The following BAG6 variants were observed in gnomAD, a reference collection of about 807,000 sequenced individuals.
BAG6 encodes large proline-rich protein BAG6.
A neutral mutation model predicts 121.0 loss-of-function variants in BAG6; 22 were observed. The ratio of observed to expected loss-of-function variants is 0.18; its 90% CI spans 0.13 to 0.26. The LOEUF is 0.26. BAG6 is among the 10% of genes least tolerant of loss of function. The pLI is 1.00. For synonymous variants in BAG6, 583 were observed against 584.6 expected (o/e 1.00, Z 0.04); for missense variants, 1,233 against 1,537.7 (o/e 0.80, Z 3.31).
At chr6:31,650,798 T>C (rs193029108) in intron 2 of BAG6, among the ~76,000 whole-genome samples, 30 of 152,278 alleles carry the variant, frequency 2.0e-4, no homozygotes, top group Non-Finnish European at 3.8e-4. Context: ...TAATATCACA[T>C]TTTAGAAAAC....
Position 31,641,978 on chromosome 6 carries a change from T to A in BAG6, c.2336-33A>T, listed in dbSNP as rs1244075204. The A allele has an allele frequency of 2.5e-6, 4 of 1,609,158 alleles. No individual in the cohort carries two copies. Among genetic ancestry groups the A allele is most frequent in the African/African-American group, 1.3e-5 (1 of 74,910 alleles). ...ACAAGGGCAGATGTTAGCAATGGCCTTTACCACCTGGCCTGCCCACCCACA... is the reference window on the plus strand; with the variant it reads ...ACAAGGGCAGATGTTAGCAATGGCCATTACCACCTGGCCTGCCCACCCACA... On this transcript the variant is annotated intron_variant, in intron 16 of 25. Transcript: ENST00000676615. This position sits in a 1 kb window ranked among gnomAD's most constrained non-coding sequence, Gnocchi z 5.7.
intron 7 of BAG6, 97 bp downstream of exon 7, chr6:31,647,494 C>G: frequency 6.4e-7 from 1 of 1,563,008 alleles, no homozygotes; most frequent in Admixed American, 1.9e-5. Flanking sequence ...ACTAAGACCT[C>G]CAAGTAATCC....
intron 7 of BAG6, 92 bp downstream of exon 7, chr6:31,647,499 T>C: frequency 6.4e-7 from 1 of 1,569,456 alleles, no homozygotes; most frequent in Non-Finnish European, 8.6e-7. Flanking sequence ...GACCTCCAAG[T>C]AATCCTTTCC....
chr6:31,651,211 G>A lies in BAG6; in HGVS notation c.108+445C>T, dbSNP rs377053957. Among the ~76,000 whole-genome samples, 64 of 152,276 alleles carry A rather than the reference G, an allele frequency of 4.2e-4. 1 individual carries two copies. The highest frequency in any genetic ancestry group is 3.5e-3 in the East Asian group (18 of 5,190). On this transcript the variant is annotated intron_variant, in intron 2 of 25. Transcript: ENST00000676615. ...CCTCACTCACAAAACATCAGAAAACGTTCTACTGGAATACGAACAAAGGGA... is the reference window on the plus strand; with the variant it reads ...CCTCACTCACAAAACATCAGAAAACATTCTACTGGAATACGAACAAAGGGA...
At chr6:31,651,512 C>G in intron 2 of BAG6, 144 bp downstream of exon 2, 2 of 700,632 alleles carry the variant, frequency 2.9e-6, no homozygotes, top group Non-Finnish European at 4.8e-6. Flanking sequence ...GCACTCCAGC[C>G]TGGAAGACAG....
At chr6:31,649,451 T>A in intron 3 of BAG6, 56 bp from the exon 4 acceptor site, 2 of 1,611,130 alleles carry the variant, frequency 1.2e-6, no homozygotes, top group South Asian at 1.1e-5. Flanking sequence ...ACCCATGGCC[T>A]CAGTTCATCC....
intron 6 of BAG6, 115 bp downstream of exon 6, chr6:31,648,562 A>G (rs780676784): frequency 3.1e-6 from 3 of 966,154 alleles, no homozygotes; most frequent in Non-Finnish European, 3.2e-6. Flanking sequence ...TGCAGAGAAG[A>G]CTAGATTATG....
At chr6:31,647,870 T>C in intron 6 of BAG6, 44 bp from the exon 7 acceptor site, 1 of 1,505,052 alleles carries the variant, frequency 6.6e-7, no homozygotes, top group Non-Finnish European at 8.8e-7. Context: ...AGGGTAAGAC[T>C]GCTGCAGAGG....
At position 31,644,817 on chromosome 6, in the gene BAG6, TTCTGC is replaced by T. The variant is rs1787212917; in HGVS notation, c.1369+124_1369+128del. ...ACCCCCCACATCTGTCTACTTAAGC[TTCTGC>T]TCTGGTCCCCAGGCTACCACCACCA... is the stretch of plus-strand genomic sequence containing the variant. On this transcript the variant is annotated intron_variant, in intron 10 of 25. Coordinates refer to ENST00000676615, the MANE Select transcript of BAG6 (RefSeq NM_001387994.1). The surrounding 1 kb of genome is among the most constrained non-coding windows in gnomAD (Gnocchi z 4.9). 6.9e-7 allele frequency: 1 copy of T among 1,448,982 alleles called. No individual in the cohort carries two copies. Among genetic ancestry groups the T allele is most frequent in the South Asian group, 1.3e-5 (1 of 77,148 alleles). The allele number at this position is 1,448,982 out of a possible 1,614,324, so 89.8% of individuals were successfully genotyped here. A position where few individuals can be genotyped will look rare whatever the true frequency, so the allele number is the denominator to read the frequency against.
intron 6 of BAG6, 28 bp downstream of exon 6, chr6:31,648,649 G>A (rs1271053528): frequency 4.3e-6 from 7 of 1,609,738 alleles, no homozygotes; most frequent in Non-Finnish European, 5.9e-6. Flanking sequence ...AGGGTGGAGA[G>A]AGACCCTAGC....
In BAG6 at chr6:31,648,664, C is replaced by T; in HGVS notation, c.552+13G>A. The T allele has an allele frequency of 6.2e-7, 1 of 1,613,338 alleles. No homozygotes were observed. Among genetic ancestry groups the T allele is most frequent in the Non-Finnish European group, 8.5e-7 (1 of 1,179,770 alleles). ...AGGGTGGAGAGAGACCCTAGCCAGCCTTGCCCACTTACCTCCATCCGGGAT... is the reference window on the plus strand; with the variant it reads ...AGGGTGGAGAGAGACCCTAGCCAGCTTTGCCCACTTACCTCCATCCGGGAT... On this transcript the variant is annotated intron_variant, in intron 6 of 25. Coordinates refer to ENST00000676615, the MANE Select transcript of BAG6 (RefSeq NM_001387994.1).
chr6:31,645,209 C>T lies in BAG6; in HGVS notation c.1117-11G>A. ...GGTTCCCACATTGATCTGAAAAAGA[C>T]AGATGGACAGGCAGATGTGAGAAAA... On this transcript the variant is annotated splice_polypyrimidine_tract_variant and intron_variant, in intron 9 of 25. Transcript: ENST00000676615. 6.2e-7 allele frequency: 1 copy of T among 1,605,106 alleles called. No homozygotes were observed.
At position 31,641,330 on chromosome 6, in the gene BAG6, C is replaced by A. The variant is rs201252510; in HGVS notation, c.2652G>T (p.Leu884=). The A allele has an allele frequency of 2.5e-6, 4 of 1,614,236 alleles. No individual in the cohort carries two copies. Among genetic ancestry groups the A allele is most frequent in the Middle Eastern group, 1.6e-4 (1 of 6,062 alleles). The change falls in exon 19 of 26, where the codon CTG becomes CTT. Residue 884 remains leucine (L), a synonymous_variant. Coordinates refer to ENST00000676615, the MANE Select transcript of BAG6 (RefSeq NM_001387994.1). This position sits in a 1 kb window ranked among gnomAD's most constrained non-coding sequence, Gnocchi z 5.7. ...EQFNSIAAHV[L]HCTDSGFGAR... ...TGGCCAGCCCCTGACCTGTGCAATG[C>A]AGCACATGCGCAGCAATGCTATTAA...
chr6:31,639,452 G>C, intron 25 of BAG6, 48 bp downstream of exon 25: 3 of 1,583,522 alleles, frequency 1.9e-6, no homozygotes, highest in Non-Finnish European at 2.6e-6. Context: ...AGGGACCCTA[G>C]CCCAACCCCT....
intron 2 of BAG6, 127 bp from the exon 3 acceptor site, chr6:31,649,754 G>A (rs1055783574): frequency 1.2e-4 from 96 of 775,592 alleles, no homozygotes; most frequent in African/African-American, 3.3e-4. Flanking sequence ...TGTCTTGACC[G>A]TGAGATCATT....
In BAG6 at chr6:31,639,086, G is replaced by C. The variant is rs774713947; in HGVS notation, c.*45C>G. 26 of 1,496,716 alleles carry C rather than the reference G, an allele frequency of 1.7e-5. No homozygotes were observed. In the Admixed American group the frequency reaches 1.9e-4, roughly 11 times the overall value. 92.7% of individuals were successfully genotyped at this position (1,496,716 alleles called of 1,614,324 possible). A position where few individuals can be genotyped will look rare whatever the true frequency, so the allele number is the denominator to read the frequency against. ...ATTTCTTAAATACTGTGAAGGAAGA[G>C]GGGGGAAACGGTCCCCTGATGAGGA... is the stretch of plus-strand genomic sequence containing the variant. On this transcript the variant is annotated 3_prime_UTR_variant, in exon 26 of 26. Coordinates refer to ENST00000676615, the MANE Select transcript of BAG6 (RefSeq NM_001387994.1).
rs374407096 is a variant in BAG6, at chr6:31,647,626, C to T, written c.753G>A (p.Ala251=). The change falls in exon 7 of 26, where the codon GCG becomes GCA. Residue 251 remains alanine (A), a synonymous_variant. Transcript: ENST00000676615. ...TTGTTTCCGGGGCAGGTGTTGGGCC[C>T]GCTGGGGCTGGGCCAGGAGTGAGCT... ...NPELTPGPAP[A]GPTPAPETNA... 13 of 1,607,080 alleles carry T rather than the reference C, an allele frequency of 8.1e-6. No homozygotes were observed. The highest frequency in any genetic ancestry group is 3.4e-5 in the Admixed American group (2 of 58,818).
At chr6:31,645,727 G>T (rs1394872630) in intron 8 of BAG6, 123 bp from the exon 9 acceptor site, 3 of 1,211,928 alleles carry the variant, frequency 2.5e-6, no homozygotes, top group Non-Finnish European at 3.5e-6. Flanking sequence ...TATATCCTTG[G>T]AAGTTTACAT....
chr6:31,646,177 G>C (rs1189098342), intron 8 of BAG6, among the ~76,000 whole-genome samples: 1 of 152,094 alleles, frequency 6.6e-6, no homozygotes, highest in Non-Finnish European at 1.5e-5. Flanking sequence ...GTAGAGATGG[G>C]GTTGCACCAT....
Sources: gnomAD v4.1 joint callset for allele counts (sites outside exome capture counted in the v4.1 genomes callset) on GRCh38, gnomAD v4.1.1 for gene constraint, Gnocchi (gnomAD v3.1) non-coding constraint, MANE v1.5 for transcripts, NCBI Gene and HGNC (gene_info 2026-07-23, HGNC 2026-07-21) for gene names.